TENM1: variants seen among roughly 807,000 people sequenced by gnomAD.
TENM1 encodes the protein teneurin-1.
TENM1 carries 35 observed loss-of-function variants against 174.8 expected under a neutral mutation model. The observed-to-expected ratio is 0.20, with a 90% CI of 0.15 to 0.27. TENM1 has a LOEUF of 0.27. TENM1 is among the 10% of genes least tolerant of loss of function. The pLI, the probability that TENM1 is intolerant of heterozygous loss-of-function variation, is 1.00. For synonymous variants in TENM1, 781 were observed against 798.7 expected, an observed-to-expected ratio of 0.98 and a Z score of 0.37; for missense variants, 1,633 against 2,130.1, an observed-to-expected ratio of 0.77 and a Z score of 4.59.
At chrX:124,715,389 T>TA (rs1175230547) in intron 4 of TENM1, among the ~76,000 whole-genome samples, 1,512 of 99,902 alleles carry the variant, frequency 0.015, 32 homozygotes, top group African/African-American at 0.046. Context: ...TCCTAGGACT[T>TA]AAAAAAAAAA....
intron 22 of TENM1, among the ~76,000 whole-genome samples, chrX:124,480,969 A>G (rs1360064332): frequency 9.0e-6 from 1 of 111,572 alleles, no homozygotes; most frequent in Non-Finnish European, 1.9e-5. Context: ...TAAGATTGGC[A>G]TATGATCCAG....
intron 11 of TENM1, among the ~76,000 whole-genome samples, chrX:124,628,104 G>C (rs1420393503): frequency 9.0e-6 from 1 of 110,991 alleles, no homozygotes; most frequent in African/African-American, 3.3e-5. Context: ...ATTTAAAATG[G>C]TTACCCTTGC....
At chrX:125,199,407 A>G in the TENM1 span, among the ~76,000 whole-genome samples, 2 of 112,401 alleles carry the variant, frequency 1.8e-5, no homozygotes, top group Admixed American at 1.9e-4. Context: ...CCATGTGAAA[A>G]GAGATTTTTA....
At chrX:124,470,071 CT>C (rs1182699149) in intron 22 of TENM1, among the ~76,000 whole-genome samples, 5 of 111,504 alleles carry the variant, frequency 4.5e-5, no homozygotes, top group African/African-American at 1.6e-4. Flanking sequence ...TGTGTTCAAT[CT>C]TTTGGGAGGA....
chrX:125,051,916 A>G, the TENM1 span, among the ~76,000 whole-genome samples: 1 of 107,788 alleles, frequency 9.3e-6, no homozygotes, highest in Non-Finnish European at 1.9e-5. Flanking sequence ...CAACCTACAG[A>G]ATGGGAGAAA....
chrX:124,405,052 C>T lies in TENM1; in HGVS notation c.5370G>A (p.Ser1790=), dbSNP rs147882652. The change falls in exon 27 of 32, where the codon TCG becomes TCA. Residue 1790 remains serine (S), a synonymous_variant. Coordinates refer to ENST00000422452, the Ensembl canonical transcript of TENM1. ...TTACCCTCAGCCTCCTTTCAAAAGC[C>T]GAAACATTGCCTTTGTTTTGCTCCT... is the stretch of plus-strand genomic sequence containing the variant. The T allele has an allele frequency of 7.9e-4, 952 of 1,209,061 alleles. 3 individuals carry two copies. The highest frequency in any genetic ancestry group is 9.0e-4 in the Non-Finnish European group (805 of 894,706).
At chrX:124,936,273 ACAC>A (rs2058242231) in intron 1 of TENM1, among the ~76,000 whole-genome samples, 2 of 111,641 alleles carry the variant, frequency 1.8e-5, no homozygotes, top group Non-Finnish European at 3.8e-5. Context: ...AGTCATTAAA[ACAC>A]ACCAAACTCT....
chrX:124,564,188 A>AG (rs1385507099), intron 12 of TENM1, among the ~76,000 whole-genome samples: 34 of 111,888 alleles, frequency 3.0e-4, no homozygotes, highest in Admixed American at 2.6e-3. Context: ...AACTTACTGT[A>AG]GTACAGGAAT....
intron 27 of TENM1, among the ~76,000 whole-genome samples, chrX:124,393,988 T>G (rs2060309068): frequency 8.9e-6 from 1 of 112,559 alleles, no homozygotes; most frequent in Non-Finnish European, 1.9e-5. Flanking sequence ...TGGTAAGCTG[T>G]GAAACAACAC....
chrX:125,091,985 C>CAAAA, the TENM1 span, among the ~76,000 whole-genome samples: 2 of 14,178 alleles, frequency 1.4e-4, no homozygotes, highest in Non-Finnish European at 2.7e-4. Flanking sequence ...AACTCTGTCT[C>CAAAA]AAAAAAAAAA....
At chrX:124,725,303 T>C (rs2053420040) in intron 4 of TENM1, among the ~76,000 whole-genome samples, 1 of 111,799 alleles carries the variant, frequency 8.9e-6, no homozygotes, top group African/African-American at 3.3e-5. Flanking sequence ...TTCTCTGTTG[T>C]AGCCCCAGCA....
chrX:124,893,023 C>G (rs1386910942), intron 3 of TENM1, among the ~76,000 whole-genome samples: 7 of 112,068 alleles, frequency 6.2e-5, no homozygotes, highest in Non-Finnish European at 1.3e-4. Flanking sequence ...CTCAAATTAA[C>G]ATGCTTTTGG....
At chrX:125,133,951 T>C in the TENM1 span, among the ~76,000 whole-genome samples, 1 of 111,335 alleles carries the variant, frequency 9.0e-6, no homozygotes, top group Non-Finnish European at 1.9e-5. Context: ...AACCTTCTGT[T>C]TAGATATCAG....
chrX:124,832,378 G>A (rs2056308832), intron 3 of TENM1, among the ~76,000 whole-genome samples: 1 of 111,952 alleles, frequency 8.9e-6, no homozygotes, highest in Admixed American at 9.5e-5. Flanking sequence ...GCCAGCAAAA[G>A]TTAGAGGTTA....
intron 11 of TENM1, among the ~76,000 whole-genome samples, chrX:124,588,687 TATA>T (rs1276997975): frequency 1.8e-5 from 2 of 110,816 alleles, no homozygotes; most frequent in African/African-American, 6.6e-5. Context: ...AAACTTAAAG[TATA>T]ATAATAATAA....
chrX:124,685,510 A>G (rs1271734158), intron 5 of TENM1, among the ~76,000 whole-genome samples: 1 of 111,422 alleles, frequency 9.0e-6, no homozygotes, highest in Non-Finnish European at 1.9e-5. Flanking sequence ...AACGAAAGGA[A>G]GGACAAATGA....
chrX:125,123,111 G>A, the TENM1 span, among the ~76,000 whole-genome samples: 1 of 111,392 alleles, frequency 9.0e-6, no homozygotes, highest in Non-Finnish European at 1.9e-5. Context: ...AAAGCCAAAA[G>A]TACATTACAC....
At chrX:124,473,020 C>T (rs753307328) in intron 22 of TENM1, among the ~76,000 whole-genome samples, 247 of 111,752 alleles carry the variant, frequency 2.2e-3, no homozygotes, top group African/African-American at 7.8e-3. Flanking sequence ...TCTGAAGAAT[C>T]TGTACATTAA....
At chrX:124,524,291 C>A (rs2148053668) in intron 16 of TENM1, among the ~76,000 whole-genome samples, 1 of 112,131 alleles carries the variant, frequency 8.9e-6, no homozygotes, top group Non-Finnish European at 1.9e-5. Flanking sequence ...AGATGACTAT[C>A]TAACATTTAG....
Sources: allele counts gnomAD v4.1 joint callset (sites outside exome capture counted in the v4.1 genomes callset), GRCh38; gene constraint gnomAD v4.1.1; transcripts MANE v1.5; gene names NCBI Gene and HGNC (gene_info 2026-07-23, HGNC 2026-07-21).